Variants in MBNL1 observed in about 807,000 individuals in gnomAD.
MBNL1 encodes muscleblind like splicing regulator 1.
A neutral mutation model predicts 42.2 loss-of-function variants in MBNL1; 8 were observed. The observed-to-expected ratio is 0.19, with a 90% confidence interval of 0.11 to 0.34. MBNL1 has a LOEUF of 0.34. Among genes scored for constraint, MBNL1 ranks in the 10% least tolerant of loss-of-function variants. The pLI, the probability that MBNL1 is intolerant of heterozygous loss-of-function variation, is 1.00. For synonymous variants in MBNL1, 169 were observed against 173.9 expected (o/e 0.97, Z 0.22); for missense variants, 309 against 495.3 (o/e 0.62, Z 3.57).
intron 2 of MBNL1, among the ~76,000 whole-genome samples, chr3:152,312,191 CAAAA>C (rs34750394): frequency 1.1e-4 from 5 of 47,508 alleles, no homozygotes; most frequent in East Asian, 6.4e-4. Flanking sequence ...GACTCCGTCT[CAAAA>C]AAAAAAAAAA....
intron 4 of MBNL1, among the ~76,000 whole-genome samples, chr3:152,440,892 TGTTA>T (rs900931180): frequency 1.3e-5 from 2 of 152,212 alleles, no homozygotes; most frequent in Admixed American, 1.3e-4. Flanking sequence ...AAATTTAGCT[TGTTA>T]GTTCCAGCTT....
At chr3:152,392,189 C>T (rs936117875) in intron 2 of MBNL1, among the ~76,000 whole-genome samples, 7 of 152,032 alleles carry the variant, frequency 4.6e-5, no homozygotes, top group East Asian at 1.9e-4. Flanking sequence ...CAGAAATCTC[C>T]GCAAGAAGTA....
chr3:152,246,466 A>G (rs1163181049), intron 2 of MBNL1, among the ~76,000 whole-genome samples: 1 of 151,984 alleles, frequency 6.6e-6, no homozygotes, highest in Non-Finnish European at 1.5e-5. Context: ...TTGTCTTTAC[A>G]TAAGAAAAAA....
intron 2 of MBNL1, among the ~76,000 whole-genome samples, chr3:152,406,161 G>A (rs2098421938): frequency 6.6e-6 from 1 of 152,112 alleles, no homozygotes; most frequent in African/African-American, 2.4e-5. Context: ...TGAAGACTAT[G>A]GAATAGTGGC....
chr3:152,438,462 G>A (rs1162840080), intron 4 of MBNL1, among the ~76,000 whole-genome samples: 2 of 152,188 alleles, frequency 1.3e-5, no homozygotes, highest in South Asian at 2.1e-4. Flanking sequence ...TATAAAAAAT[G>A]TTTATCATGT....
intron 2 of MBNL1, among the ~76,000 whole-genome samples, chr3:152,348,640 C>A (rs1203274926): frequency 2.6e-5 from 4 of 151,902 alleles, no homozygotes; most frequent in Non-Finnish European, 5.9e-5. Context: ...TAGTACTATC[C>A]TAAAAATAAA....
At chr3:152,406,267 GA>G (rs1207997889) in intron 2 of MBNL1, among the ~76,000 whole-genome samples, 5 of 151,888 alleles carry the variant, frequency 3.3e-5, no homozygotes, top group African/African-American at 1.2e-4. Flanking sequence ...CCATAGGTAT[GA>G]AAAAAAAGTG....
intron 1 of MBNL1, among the ~76,000 whole-genome samples, chr3:152,295,750 A>G (rs999591013): frequency 6.6e-6 from 1 of 152,224 alleles, no homozygotes; most frequent in African/African-American, 2.4e-5. Context: ...GAATTTGCCA[A>G]GTTGCAGGGG....
chr3:152,245,281 A>T (rs2032635548), intron 2 of MBNL1, among the ~76,000 whole-genome samples: 1 of 152,180 alleles, frequency 6.6e-6, no homozygotes, highest in Non-Finnish European at 1.5e-5. Flanking sequence ...TATTCATAAT[A>T]TAGCAATTTT....
At chr3:152,394,870 T>A (rs1284752031) in intron 2 of MBNL1, among the ~76,000 whole-genome samples, 1 of 152,192 alleles carries the variant, frequency 6.6e-6, no homozygotes, top group Non-Finnish European at 1.5e-5. Context: ...TTTTTCTTTT[T>A]TTGTCCCGAG....
intron 2 of MBNL1, among the ~76,000 whole-genome samples, chr3:152,244,691 G>A (rs1164946179): frequency 1.3e-5 from 2 of 151,992 alleles, no homozygotes; most frequent in Non-Finnish European, 2.9e-5. Flanking sequence ...AAAATAAAAC[G>A]TTATCTTTCT....
chr3:152,457,966 ATATAT>A, intron 8 of MBNL1: 1 of 592,168 alleles, frequency 1.7e-6, no homozygotes, highest in South Asian at 2.1e-5. Context: ...ATATACACAC[ATATAT>A]TATATCTACA....
intron 5 of MBNL1, among the ~76,000 whole-genome samples, chr3:152,447,291 G>T (rs2153860737): frequency 6.6e-6 from 1 of 152,252 alleles, no homozygotes; most frequent in African/African-American, 2.4e-5. Context: ...TCGCAGTGCG[G>T]CTTTTCTTCT....
chr3:152,331,045 G>T (rs2084071148), intron 2 of MBNL1, among the ~76,000 whole-genome samples: 1 of 151,912 alleles, frequency 6.6e-6, no homozygotes, highest in Non-Finnish European at 1.5e-5. Flanking sequence ...CATTTTACGT[G>T]AACACCAAAT....
chr3:152,400,144 A>G (rs1287365656), intron 2 of MBNL1, among the ~76,000 whole-genome samples: 1 of 152,202 alleles, frequency 6.6e-6, no homozygotes, highest in Non-Finnish European at 1.5e-5. Context: ...GCTACATATT[A>G]TTGTGAGAGT....
At chr3:152,348,957 C>T (rs1414833997) in intron 2 of MBNL1, among the ~76,000 whole-genome samples, 4 of 151,884 alleles carry the variant, frequency 2.6e-5, no homozygotes, top group Non-Finnish European at 5.9e-5. Flanking sequence ...GAGATTAGGG[C>T]TTGTTGGAAG....
intron 2 of MBNL1, among the ~76,000 whole-genome samples, chr3:152,341,775 G>A (rs1008065219): frequency 6.6e-6 from 1 of 152,162 alleles, no homozygotes; most frequent in South Asian, 2.1e-4. Flanking sequence ...TAAAAATAAA[G>A]TGTGTACAGA....
At position 152,397,184 on chromosome 3, in the gene MBNL1, T is replaced by A. The variant is rs1308721620; in HGVS notation, c.175-17757T>A. On this transcript the variant is annotated intron_variant, in intron 2 of 9. Transcript: ENST00000324210. Reference sequence around the variant, plus strand: ...ATTGGCATTCCATTCTAAGACTTGTTAGGTTTCAAATGATTGAGAATATGT... The same window carrying A: ...ATTGGCATTCCATTCTAAGACTTGTAAGGTTTCAAATGATTGAGAATATGT... 2.0e-5 allele frequency among the ~76,000 whole-genome samples: 3 copies of A among 152,166 alleles called. No homozygotes were observed. In the South Asian group the frequency reaches 6.2e-4, roughly 32 times the overall value.
chr3:152,436,968 G>C (rs953854827), intron 4 of MBNL1, among the ~76,000 whole-genome samples: 1 of 152,156 alleles, frequency 6.6e-6, no homozygotes, highest in Non-Finnish European at 1.5e-5. Flanking sequence ...GGATACTGCC[G>C]TGTGAAGCTC....
Sources: allele counts gnomAD v4.1 joint callset (sites outside exome capture counted in the v4.1 genomes callset), GRCh38; gene constraint gnomAD v4.1.1; transcripts MANE v1.5; gene names NCBI Gene and HGNC (gene_info 2026-07-23, HGNC 2026-07-21).